Variants in NCAM1 observed in about 807,000 individuals in gnomAD.
NCAM1 encodes antigen recognized by monoclonal antibody 5.1H11.
A neutral mutation model predicts 109.8 loss-of-function variants in NCAM1; 14 were observed. The observed-to-expected ratio is 0.13, with a 90% CI of 0.08 to 0.20. The LOEUF (loss-of-function observed/expected upper bound fraction) is 0.20. Ranked by LOEUF, NCAM1 falls within the 10% of genes least tolerant of loss-of-function variation. The probability of loss-of-function intolerance (pLI) is 1.00; values close to 1 mark genes in which losing one functional copy is unlikely to be tolerated. For missense variants in NCAM1, 774 were observed against 1,109.9 expected (o/e 0.70, Z 4.30); for synonymous variants, 418 against 442.9 (o/e 0.94, Z 0.70).
chr11:113,046,408 A>C (rs1322986611), intron 1 of NCAM1, among the ~76,000 whole-genome samples: 3 of 152,218 alleles, frequency 2.0e-5, no homozygotes, highest in African/African-American at 7.2e-5. Context: ...ATCCCAAAAC[A>C]GCACTGGCCT....
At chr11:113,044,024 C>T (rs998153567) in intron 1 of NCAM1, among the ~76,000 whole-genome samples, 3 of 151,436 alleles carry the variant, frequency 2.0e-5, no homozygotes, top group Non-Finnish European at 2.9e-5. Flanking sequence ...TATTTAGCCT[C>T]GGTAATATTT....
intron 9 of NCAM1, among the ~76,000 whole-genome samples, chr11:113,226,778 A>G (rs1363013040): frequency 6.6e-6 from 1 of 152,188 alleles, no homozygotes; most frequent in African/African-American, 2.4e-5. Flanking sequence ...TAAGAAACTC[A>G]CTCAAAACCG....
chr11:113,231,843 G>A (rs782060823), intron 10 of NCAM1, 48 bp downstream of exon 10: 22 of 1,609,290 alleles, frequency 1.4e-5, no homozygotes, highest in Non-Finnish European at 1.7e-5. Context: ...GGCAAGGCAG[G>A]GTCAGGATGA....
At chr11:113,266,062 C>T (rs1946129092) in intron 17 of NCAM1, among the ~76,000 whole-genome samples, 1 of 152,160 alleles carries the variant, frequency 6.6e-6, no homozygotes. Flanking sequence ...TCTTTGCATC[C>T]AAGGTGCACA....
chr11:113,151,725 C>T (rs572730570), intron 1 of NCAM1, among the ~76,000 whole-genome samples: 1 of 152,366 alleles, frequency 6.6e-6, no homozygotes, highest in Non-Finnish European at 1.5e-5. Flanking sequence ...CAAGGTTTTG[C>T]TAGCAGAGCC....
intron 1 of NCAM1, among the ~76,000 whole-genome samples, chr11:113,134,312 AT>A (rs112693539): frequency 3.3e-5 from 5 of 151,746 alleles, no homozygotes; most frequent in African/African-American, 7.3e-5. Context: ...ATGTAACCGG[AT>A]TTTTTTTCGT....
rs1037743906 is a variant in NCAM1, at chr11:113,231,759, G to A, written c.1204G>A (p.Gly402Ser). ...EYICTASNTI[G>S]QDSQSMYLEV... Reference sequence around the variant, plus strand: ...CATCTGCACCGCCAGCAACACCATCGGCCAGGACTCCCAGTCCATGTACCT... The same window carrying A: ...CATCTGCACCGCCAGCAACACCATCAGCCAGGACTCCCAGTCCATGTACCT... Residue 402 changes from glycine to serine, a missense_variant, in exon 10 of 20, where the codon GGC becomes AGC. Around this residue, in one of 4 missense-constraint regions of NCAM1, gnomAD observed 523 missense variants for 784.2 expected, o/e 0.67. Transcript: ENST00000316851. 5.0e-6 allele frequency: 8 copies of A among 1,613,794 alleles called. No homozygotes were observed. Among genetic ancestry groups the A allele is most frequent in the Non-Finnish European group, 6.8e-6 (8 of 1,179,902 alleles).
chr11:113,157,855 G>C (rs1942470943), intron 1 of NCAM1, among the ~76,000 whole-genome samples: 1 of 151,900 alleles, frequency 6.6e-6, no homozygotes, highest in South Asian at 2.1e-4. Flanking sequence ...TTCTGCATTC[G>C]ATCTACTGAA....
chr11:113,120,779 C>T (rs1017347145), intron 1 of NCAM1, among the ~76,000 whole-genome samples: 2 of 152,124 alleles, frequency 1.3e-5, no homozygotes, highest in Admixed American at 1.3e-4. Context: ...TACGAAAACT[C>T]GAAGAAAATG....
At chr11:113,118,375 T>C (rs1218719209) in intron 1 of NCAM1, among the ~76,000 whole-genome samples, 1 of 151,938 alleles carries the variant, frequency 6.6e-6, no homozygotes, top group Non-Finnish European at 1.5e-5. Flanking sequence ...CTACTAATGA[T>C]ATCTCAGAAA....
intron 1 of NCAM1, among the ~76,000 whole-genome samples, chr11:113,093,488 A>G (rs905694847): frequency 6.6e-6 from 1 of 152,008 alleles, no homozygotes; most frequent in African/African-American, 2.4e-5. Context: ...CTCCGGCCCC[A>G]CAACTCTCAT....
intron 1 of NCAM1, among the ~76,000 whole-genome samples, chr11:112,970,746 A>G (rs1555066618): frequency 6.6e-6 from 1 of 152,220 alleles, no homozygotes. Context: ...ATGTACTGCT[A>G]GAGGTGCTTG....
intron 15 of NCAM1, among the ~76,000 whole-genome samples, chr11:113,247,325 G>GCA (rs1555120430): frequency 6.6e-6 from 1 of 152,074 alleles, no homozygotes; most frequent in African/African-American, 2.4e-5. Context: ...TGGCTACATG[G>GCA]ATCACGAAAG....
intron 1 of NCAM1, among the ~76,000 whole-genome samples, chr11:113,172,845 A>G (rs1943035688): frequency 6.6e-6 from 1 of 152,170 alleles, no homozygotes; most frequent in African/African-American, 2.4e-5. Flanking sequence ...GACTGTTATA[A>G]AAAGGAAATT....
chr11:113,252,850 T>C (rs561961538), intron 15 of NCAM1, among the ~76,000 whole-genome samples: 8 of 132,054 alleles, frequency 6.1e-5, no homozygotes, highest in Non-Finnish European at 1.1e-4. Context: ...AGAGTTTCAC[T>C]ATGTTGGCCA....
chr11:113,109,689 G>T (rs17114861), intron 1 of NCAM1, among the ~76,000 whole-genome samples: 1 of 152,238 alleles, frequency 6.6e-6, no homozygotes, highest in East Asian at 1.9e-4. Flanking sequence ...GTAGAAAAGA[G>T]AAAATTACTG....
At chr11:113,025,329 C>T (rs1436371679) in intron 1 of NCAM1, among the ~76,000 whole-genome samples, 2 of 152,120 alleles carry the variant, frequency 1.3e-5, no homozygotes, top group Non-Finnish European at 2.9e-5. Flanking sequence ...AGAACAACTA[C>T]AAAAACAGCC....
chr11:113,084,961 G>A (rs1250804905), intron 1 of NCAM1, among the ~76,000 whole-genome samples: 1 of 152,186 alleles, frequency 6.6e-6, no homozygotes, highest in African/African-American at 2.4e-5. Context: ...CAGTCTCACT[G>A]ACCAAGTCAC....
intron 1 of NCAM1, among the ~76,000 whole-genome samples, chr11:113,089,485 G>A (rs781783512): frequency 4.0e-5 from 6 of 151,620 alleles, no homozygotes; most frequent in Non-Finnish European, 7.4e-5. Context: ...TTTCTTTATC[G>A]AGGTCTTGTT....
Sources: allele counts gnomAD v4.1 joint callset (sites outside exome capture counted in the v4.1 genomes callset), GRCh38; gene constraint gnomAD v4.1.1; regional missense constraint gnomAD v4.1.1; transcripts MANE v1.5; gene names NCBI Gene and HGNC (gene_info 2026-07-23, HGNC 2026-07-21).